The following NSD3 variants were observed in gnomAD, a reference collection of about 807,000 sequenced individuals.
NSD3 encodes the protein histone-lysine N-methyltransferase NSD3.
Under a neutral mutation model 160.8 loss-of-function variants are expected in NSD3, and 24 were observed. The observed-to-expected ratio is 0.15, with a 90% CI of 0.11 to 0.21. The LOEUF (loss-of-function observed/expected upper bound fraction) is 0.21, where lower values mean the gene tolerates loss of function less well. Ranked by LOEUF, NSD3 falls within the 10% of genes least tolerant of loss-of-function variation. NSD3 has a pLI of 1.00. For missense variants in NSD3, 1,157 were observed against 1,735.9 expected (o/e 0.67, Z 5.93); for synonymous variants, 520 against 600.0 (o/e 0.87, Z 1.95).
At chr8:38,313,249 A>G (rs1309994659) in intron 12 of NSD3, among the ~76,000 whole-genome samples, 1 of 152,124 alleles carries the variant, frequency 6.6e-6, no homozygotes, top group Admixed American at 6.6e-5. Context: ...GTATTGGGAT[A>G]TATGACATAT....
intron 1 of NSD3, among the ~76,000 whole-genome samples, chr8:38,351,137 A>AT (rs999615522): frequency 5.4e-5 from 8 of 149,480 alleles, no homozygotes; most frequent in Non-Finnish European, 1.0e-4. Flanking sequence ...ATGCCCAGCT[A>AT]TTTTTTTTGT....
chr8:38,352,934 C>T (rs1810738251), intron 1 of NSD3, among the ~76,000 whole-genome samples: 1 of 152,152 alleles, frequency 6.6e-6, no homozygotes, highest in African/African-American at 2.4e-5. Flanking sequence ...TTCGTCACTA[C>T]CAAAATCACA....
At chr8:38,379,516 A>G (rs181173897) in intron 1 of NSD3, among the ~76,000 whole-genome samples, 1 of 152,136 alleles carries the variant, frequency 6.6e-6, no homozygotes, top group Non-Finnish European at 1.5e-5. Context: ...ACTGTTCCTC[A>G]CAGAATTTCA....
chr8:38,355,049 C>T lies in NSD3; in HGVS notation c.-44-6834G>A, dbSNP rs113629177. Among the ~76,000 whole-genome samples the T allele has an allele frequency of 6.8e-3, 1,042 of 152,264 alleles. 6 individuals are homozygous for T. Among genetic ancestry groups the T allele is most frequent in the African/African-American group, 0.024 (998 of 41,528 alleles). ...ATGGGCAGCGGAGTCTGGCGGCCAG[C>T]CTTCACGCAGCAGACACACCAACTG... On this transcript the variant is annotated intron_variant, in intron 1 of 23. Transcript: ENST00000317025.
intron 1 of NSD3, among the ~76,000 whole-genome samples, chr8:38,361,630 C>G (rs1485945167): frequency 6.6e-6 from 1 of 151,766 alleles, no homozygotes; most frequent in East Asian, 2.0e-4. Context: ...TGGCGTGCGC[C>G]TGTAGTCCCA....
At chr8:38,330,679 AT>A (rs1810035638) in intron 5 of NSD3, among the ~76,000 whole-genome samples, 1 of 152,244 alleles carries the variant, frequency 6.6e-6, no homozygotes, top group Admixed American at 6.5e-5. Flanking sequence ...GTCTCATAAA[AT>A]TAATCAAAAT....
At position 38,315,397 on chromosome 8, in the gene NSD3, G is replaced by T. The variant is rs1395426794; in HGVS notation, c.2115+19C>A. On this transcript the variant is annotated intron_variant, in intron 11 of 23. Coordinates refer to ENST00000317025, the MANE Select transcript of NSD3 (RefSeq NM_023034.2). Reference sequence around the variant, plus strand: ...ATAATAGCAATTATTTCAAGCCATAGCACCAGTTACCTGCCTACCTGACAT... The same window carrying T: ...ATAATAGCAATTATTTCAAGCCATATCACCAGTTACCTGCCTACCTGACAT... 1 of 1,541,114 alleles carries T rather than the reference G, an allele frequency of 6.5e-7. No individual in the cohort carries two copies. Among genetic ancestry groups the T allele is most frequent in the African/African-American group, 1.4e-5 (1 of 71,294 alleles).
In NSD3 at chr8:38,281,580, C is replaced by A; in HGVS notation, c.3505G>T (p.Glu1169Ter). ...TCACCGACGTATTCATTTACAAATTCACCCTGGAGATAAATGTGCAATATG... is the reference window on the plus strand; with the variant it reads ...TCACCGACGTATTCATTTACAAATTAACCCTGGAGATAAATGTGCAATATG... ...LRTKRSIKKGEFVNEYVGELI... is the reference protein window; with the variant it reads ...LRTKRSIKKG Residue 1169 changes from glutamate to a stop codon, truncating the protein, a stop_gained, in exon 20 of 24, where the codon GAA becomes TAA. Transcript: ENST00000317025. LOFTEE classifies it high-confidence loss of function. 1 of 1,594,452 alleles carries A rather than the reference C, an allele frequency of 6.3e-7. No homozygotes were observed. Among genetic ancestry groups the A allele is most frequent in the South Asian group, 1.1e-5 (1 of 87,862 alleles).
At chr8:38,341,981 T>C (rs1045118505) in intron 2 of NSD3, among the ~76,000 whole-genome samples, 1 of 152,180 alleles carries the variant, frequency 6.6e-6, no homozygotes, top group Non-Finnish European at 1.5e-5. Flanking sequence ...CTTCCAAATC[T>C]TATAATTCAA....
At chr8:38,377,592 G>A (rs1044470438) in intron 1 of NSD3, among the ~76,000 whole-genome samples, 2 of 151,628 alleles carry the variant, frequency 1.3e-5, no homozygotes, top group Middle Eastern at 3.4e-3. Context: ...CAAGCAATCC[G>A]CCCGCCTCAG....
intron 19 of NSD3, among the ~76,000 whole-genome samples, chr8:38,287,814 G>A (rs879514936): frequency 3.3e-5 from 5 of 152,010 alleles, no homozygotes; most frequent in Admixed American, 1.3e-4. Context: ...TACCACGCCC[G>A]GCTAATTTTT....
intron 1 of NSD3, among the ~76,000 whole-genome samples, chr8:38,351,038 C>G (rs1237199866): frequency 1.4e-5 from 2 of 147,650 alleles, no homozygotes; most frequent in East Asian, 4.1e-4. Flanking sequence ...GTGGTGCAAT[C>G]TTAGCCCACT....
intron 1 of NSD3, among the ~76,000 whole-genome samples, chr8:38,349,570 A>G (rs1486151031): frequency 2.0e-5 from 3 of 150,864 alleles, no homozygotes; most frequent in Admixed American, 2.0e-4. Flanking sequence ...AAATTGTTCT[A>G]TAGGTTATAC....
In NSD3 at chr8:38,272,042, A is replaced by C. The variant is rs1025162010; in HGVS notation, c.*3599T>G. ...ATGCAAGAAACTACTCAAAAAGGAAATTCCACTTCATGAACCAGGAAAGTT... is the reference window on the plus strand; with the variant it reads ...ATGCAAGAAACTACTCAAAAAGGAACTTCCACTTCATGAACCAGGAAAGTT... On this transcript the variant is annotated 3_prime_UTR_variant, in exon 24 of 24. Coordinates refer to ENST00000317025, the MANE Select transcript of NSD3 (RefSeq NM_023034.2). 6.6e-6 allele frequency: 1 copy of C among 152,244 alleles called. No homozygotes were observed. Among genetic ancestry groups the C allele is most frequent in the Admixed American group, 6.5e-5 (1 of 15,288 alleles). 9.4% of individuals were successfully genotyped at this position (152,244 alleles called of 1,614,324 possible). A position where few individuals can be genotyped will look rare whatever the true frequency, so the allele number is the denominator to read the frequency against.
intron 2 of NSD3, among the ~76,000 whole-genome samples, chr8:38,345,023 T>A (rs1251166951): frequency 2.0e-5 from 3 of 152,182 alleles, no homozygotes; most frequent in African/African-American, 7.2e-5. Context: ...ATCTCTAGCT[T>A]AGCAAAAGCA....
At chr8:38,352,501 T>C (rs780286860) in intron 1 of NSD3, among the ~76,000 whole-genome samples, 1 of 152,214 alleles carries the variant, frequency 6.6e-6, no homozygotes, top group East Asian at 1.9e-4. Flanking sequence ...TAAAAGAAAG[T>C]GAGCTTCAGA....
At chr8:38,373,011 C>A (rs1811291771) in intron 1 of NSD3, among the ~76,000 whole-genome samples, 2 of 146,280 alleles carry the variant, frequency 1.4e-5, no homozygotes, top group Non-Finnish European at 3.0e-5. Flanking sequence ...GATTGCGCCA[C>A]TGGACCTCCA....
chr8:38,378,341 T>TA (rs1225353538), intron 1 of NSD3, among the ~76,000 whole-genome samples: 10 of 151,242 alleles, frequency 6.6e-5, no homozygotes, highest in South Asian at 2.1e-4. Context: ...CTGTCTCTAC[T>TA]AAAAAAAATA....
chr8:38,377,937 CAAACAAAA>C (rs1183726321), intron 1 of NSD3, among the ~76,000 whole-genome samples: 2 of 151,774 alleles, frequency 1.3e-5, no homozygotes, highest in African/African-American at 2.4e-5. Flanking sequence ...TCTCAAAAAA[CAAACAAAA>C]AAACAAAAAA....
Sources: allele counts gnomAD v4.1 joint callset (sites outside exome capture counted in the v4.1 genomes callset), GRCh38; gene constraint gnomAD v4.1.1; transcripts MANE v1.5; gene names NCBI Gene and HGNC (gene_info 2026-07-23, HGNC 2026-07-21).